Variants in CNTN4 observed in about 807,000 individuals in gnomAD.
The protein encoded by CNTN4 is contactin 4, also known as contactin-4.
CNTN4 carries 77 observed loss-of-function variants against 122.5 expected under a neutral mutation model. The observed-to-expected ratio is 0.63, with a 90% CI of 0.52 to 0.76. CNTN4 has a LOEUF of 0.76. Among genes scored for constraint, CNTN4 ranks in the 30% least tolerant of loss-of-function variants. The pLI, the probability that CNTN4 is intolerant of heterozygous loss-of-function variation, is 0.00. For synonymous variants in CNTN4, 512 were observed against 447.0 expected (o/e 1.15, Z -1.83); for missense variants, 1,256 against 1,259.1 (o/e 1.00, Z 0.04).
chr3:2,831,898 T>A (rs982530947), intron 7 of CNTN4, among the ~76,000 whole-genome samples: 3 of 152,210 alleles, frequency 2.0e-5, no homozygotes, highest in African/African-American at 7.2e-5. Flanking sequence ...GTTCTTATCA[T>A]TTCACGCAAA....
intron 2 of CNTN4, among the ~76,000 whole-genome samples, chr3:2,217,307 G>A (rs1026951364): frequency 6.6e-6 from 1 of 152,078 alleles, no homozygotes; most frequent in African/African-American, 2.4e-5. Context: ...TTCTGACTGG[G>A]CTCCCTGTCT....
rs567579797 is a variant in CNTN4, at chr3:2,535,954, G to A, written c.-88-35462G>A. Among the ~76,000 whole-genome samples, 772 of 152,196 alleles carry A rather than the reference G, an allele frequency of 5.1e-3. 7 individuals are homozygous for A. The highest frequency in any genetic ancestry group is 0.017 in the African/African-American group (717 of 41,558). ...CCCATTTTCCCAAAGCTGTGTTTTTGAAGACTGTTCTTCAAAGAGCAAGCC... is the reference window on the plus strand; with the variant it reads ...CCCATTTTCCCAAAGCTGTGTTTTTAAAGACTGTTCTTCAAAGAGCAAGCC... On this transcript the variant is annotated intron_variant, in intron 3 of 24. Coordinates refer to ENST00000418658, the MANE Select transcript of CNTN4 (RefSeq NM_175607.3).
chr3:2,224,871 T>G (rs1032690591), intron 2 of CNTN4, among the ~76,000 whole-genome samples: 12 of 152,094 alleles, frequency 7.9e-5, no homozygotes, highest in African/African-American at 2.9e-4. Context: ...AAGGTTTGGG[T>G]CGGGCGCGGT....
chr3:2,705,367 CAA>C (rs540264724), intron 4 of CNTN4, among the ~76,000 whole-genome samples: 3 of 48,320 alleles, frequency 6.2e-5, no homozygotes, highest in Non-Finnish European at 4.2e-5. Context: ...GACTCCGTCT[CAA>C]AAAAAAAAAA....
intron 6 of CNTN4, among the ~76,000 whole-genome samples, chr3:2,814,185 A>C (rs1019705924): frequency 2.0e-5 from 3 of 152,234 alleles, no homozygotes; most frequent in Non-Finnish European, 4.4e-5. Flanking sequence ...TGAAATCAAC[A>C]CCAAAAAGTA....
intron 6 of CNTN4, among the ~76,000 whole-genome samples, chr3:2,817,912 C>T (rs2092774483): frequency 6.6e-6 from 1 of 152,150 alleles, no homozygotes; most frequent in Non-Finnish European, 1.5e-5. Context: ...TCCATAAAGA[C>T]AAGAAAAATA....
intron 11 of CNTN4, among the ~76,000 whole-genome samples, chr3:2,901,850 A>G (rs576437114): frequency 7.2e-5 from 11 of 152,310 alleles, no homozygotes; most frequent in African/African-American, 2.6e-4. Flanking sequence ...TACAGAGGCA[A>G]TTATGACAGA....
chr3:2,459,138 G>C (rs80200334), intron 3 of CNTN4, among the ~76,000 whole-genome samples: 1,662 of 152,256 alleles, frequency 0.011, 25 homozygotes, highest in African/African-American at 0.038. Flanking sequence ...AGTCTCAGCA[G>C]ATTCCTAAAT....
At chr3:2,186,954 G>T (rs1180112203) in intron 2 of CNTN4, among the ~76,000 whole-genome samples, 5 of 152,044 alleles carry the variant, frequency 3.3e-5, no homozygotes, top group South Asian at 2.1e-4. Flanking sequence ...GTCAATTTTG[G>T]CTTTTGTTGC....
chr3:2,107,865 C>A (rs2032583979), intron 2 of CNTN4, among the ~76,000 whole-genome samples: 1 of 152,162 alleles, frequency 6.6e-6, no homozygotes, highest in Admixed American at 6.5e-5. Context: ...TGTAATACAT[C>A]AGACTTCCAG....
At chr3:2,186,986 C>G (rs1438854938) in intron 2 of CNTN4, among the ~76,000 whole-genome samples, 9 of 152,174 alleles carry the variant, frequency 5.9e-5, no homozygotes, top group Non-Finnish European at 1.2e-4. Context: ...GTGTTTTAGA[C>G]ATGAAGTCCT....
At chr3:2,507,859 TTC>T (rs1174076959) in intron 3 of CNTN4, among the ~76,000 whole-genome samples, 4 of 151,598 alleles carry the variant, frequency 2.6e-5, no homozygotes. Context: ...AAACAATTTG[TTC>T]TCTCTCTCTT....
chr3:2,656,121 C>T (rs1021257932), intron 4 of CNTN4, among the ~76,000 whole-genome samples: 4 of 152,076 alleles, frequency 2.6e-5, no homozygotes, highest in African/African-American at 9.7e-5. Flanking sequence ...ACCATGCATC[C>T]TAGGGAATTT....
At chr3:2,264,882 G>C (rs2040979060) in intron 2 of CNTN4, among the ~76,000 whole-genome samples, 1 of 151,894 alleles carries the variant, frequency 6.6e-6, no homozygotes, top group Non-Finnish European at 1.5e-5. Context: ...ATTTCAATAG[G>C]TTTTGGGGGA....
chr3:2,594,639 C>G (rs959476445), intron 4 of CNTN4, among the ~76,000 whole-genome samples: 7 of 126,654 alleles, frequency 5.5e-5, no homozygotes, highest in Admixed American at 2.2e-4. Flanking sequence ...CCAGGCTGGT[C>G]TTGAACTCCT....
At chr3:2,745,455 T>C in intron 5 of CNTN4, 67 bp from the exon 6 acceptor site, 1 of 1,264,464 alleles carries the variant, frequency 7.9e-7, no homozygotes, top group East Asian at 2.3e-5. Context: ...TTTTTATATA[T>C]TTTAGACAAT....
chr3:2,121,496 CAAAAA>C (rs201166713), intron 2 of CNTN4, among the ~76,000 whole-genome samples: 2 of 98,086 alleles, frequency 2.0e-5, no homozygotes, highest in East Asian at 5.6e-4. Context: ...GACTCCGTCT[CAAAAA>C]AAAAAAAAAA....
Position 3,009,177 on chromosome 3 carries a change from A to T in CNTN4, c.1487-16925A>T, listed in dbSNP as rs948125375. Among the ~76,000 whole-genome samples, 8 of 152,284 alleles carry T rather than the reference A, an allele frequency of 5.3e-5. 3 individuals carry two copies. Among genetic ancestry groups the T allele is most frequent in the Admixed American group, 6.5e-5 (1 of 15,300 alleles). On this transcript the variant is annotated intron_variant, in intron 14 of 24. Coordinates refer to ENST00000418658, the MANE Select transcript of CNTN4 (RefSeq NM_175607.3). ...TTGACTAGGATTGATTGCCATAAAC[A>T]GTGGGCCATGGTTACTTTCCTCGGA...
chr3:2,322,945 G>A (rs2043321495), intron 2 of CNTN4, among the ~76,000 whole-genome samples: 1 of 151,994 alleles, frequency 6.6e-6, no homozygotes, highest in Non-Finnish European at 1.5e-5. Flanking sequence ...CACATTGATG[G>A]AATACTGGAG....
Sources: allele counts gnomAD v4.1 joint callset (sites outside exome capture counted in the v4.1 genomes callset), GRCh38; gene constraint gnomAD v4.1.1; transcripts MANE v1.5; gene names NCBI Gene and HGNC (gene_info 2026-07-23, HGNC 2026-07-21).